CR1L: variants seen among roughly 807,000 people sequenced by gnomAD.
The protein encoded by CR1L is complement component receptor 1-like protein.
In CR1L, 59 loss-of-function variants were observed where a neutral mutation model predicts 62.3. That is an observed-to-expected ratio of 0.95 (90% CI 0.77 to 1.18). The LOEUF is 1.18. Ranked by LOEUF, CR1L falls within the 50% of genes most tolerant of loss-of-function variation. The pLI, the probability that CR1L is intolerant of heterozygous loss-of-function variation, is 0.00. For synonymous variants in CR1L, 279 were observed against 248.7 expected, an observed-to-expected ratio of 1.12 and a Z score of -1.15; for missense variants, 700 against 702.8, an observed-to-expected ratio of 1.00 and a Z score of 0.04.
intron 1 of CR1L, among the ~76,000 whole-genome samples, chr1:207,674,074 T>C (rs1364279501): frequency 6.6e-6 from 1 of 152,108 alleles, no homozygotes; most frequent in Non-Finnish European, 1.5e-5. Flanking sequence ...ACAATCGGAG[T>C]GATTTCCTTT....
chr1:207,652,693 C>A, intron 1 of CR1L: 1 of 934,324 alleles, frequency 1.1e-6, no homozygotes, highest in East Asian at 2.4e-5. Flanking sequence ...TATTTGTGAT[C>A]GGAATCACAC....
At chr1:207,679,083 A>G (rs1248085043) in intron 3 of CR1L, among the ~76,000 whole-genome samples, 1 of 120,150 alleles carries the variant, frequency 8.3e-6, no homozygotes, top group Non-Finnish European at 1.7e-5. Context: ...TGCAAGCTCC[A>G]CCTCCCGGGT....
At chr1:207,719,897 T>G (rs1654092783) in intron 11 of CR1L, among the ~76,000 whole-genome samples, 1 of 152,212 alleles carries the variant, frequency 6.6e-6, no homozygotes, top group Non-Finnish European at 1.5e-5. Flanking sequence ...AGCCAAGCAA[T>G]CTACTTATCT....
At chr1:207,662,864 C>T (rs1663446835) in intron 1 of CR1L, among the ~76,000 whole-genome samples, 1 of 152,178 alleles carries the variant, frequency 6.6e-6, no homozygotes, top group Non-Finnish European at 1.5e-5. Flanking sequence ...TTCCTTCTAA[C>T]AGTCAGGACC....
rs183975875 is a variant in CR1L, at chr1:207,655,542, A to G, written c.97+10212A>G. ...GGCTGGAGCACAGTGGCACAATCTC[A>G]GGTCACTGCAACCTCAGCCTCCTGA... On this transcript the variant is annotated intron_variant, in intron 1 of 11. Transcript: ENST00000508064. Among the ~76,000 whole-genome samples the G allele has an allele frequency of 7.0e-3, 1,067 of 152,260 alleles. 6 individuals carry two copies. The highest frequency in any genetic ancestry group is 0.012 in the Non-Finnish European group (792 of 68,010).
chr1:207,678,847 G>C (rs1379350070), intron 3 of CR1L, among the ~76,000 whole-genome samples: 2 of 152,114 alleles, frequency 1.3e-5, no homozygotes, highest in African/African-American at 4.8e-5. Flanking sequence ...ATCCTTCTTT[G>C]CTTCTTCCAG....
At chr1:207,664,839 AAGATAATGATGTTAAGGT>A (rs534248758) in intron 1 of CR1L, among the ~76,000 whole-genome samples, 219 of 152,370 alleles carry the variant, frequency 1.4e-3, no homozygotes, top group African/African-American at 5.0e-3. Flanking sequence ...AATAAATAGC[AAGATAATGATGTTAAGGT>A]AGATCTAAAT....
chr1:207,670,085 G>A (rs1471103843), intron 1 of CR1L, among the ~76,000 whole-genome samples: 1 of 151,010 alleles, frequency 6.6e-6, no homozygotes, highest in Non-Finnish European at 1.5e-5. Flanking sequence ...ATCTAACACA[G>A]GGCCTGTCCC....
chr1:207,705,800 T>C (rs1664257275), intron 9 of CR1L, among the ~76,000 whole-genome samples: 1 of 151,952 alleles, frequency 6.6e-6, no homozygotes, highest in Non-Finnish European at 1.5e-5. Flanking sequence ...GAGACCAATT[T>C]TAAAAAATCA....
At chr1:207,663,173 G>A (rs1663453008) in intron 1 of CR1L, among the ~76,000 whole-genome samples, 1 of 152,236 alleles carries the variant, frequency 6.6e-6, no homozygotes, top group African/African-American at 2.4e-5. Flanking sequence ...CTTCAAAGCT[G>A]TCAGACAGGG....
chr1:207,648,260 T>C (rs1186651508), intron 1 of CR1L, among the ~76,000 whole-genome samples: 1 of 135,094 alleles, frequency 7.4e-6, no homozygotes, highest in Non-Finnish European at 1.6e-5. Flanking sequence ...AAGAAGATAA[T>C]GAAAGCAATT....
chr1:207,676,057 A>G (rs1217853094), intron 1 of CR1L, among the ~76,000 whole-genome samples: 1 of 152,186 alleles, frequency 6.6e-6, no homozygotes, highest in Non-Finnish European at 1.5e-5. Context: ...GGTAAAATGC[A>G]TGAGTGTATC....
intron 1 of CR1L, chr1:207,657,362 T>C: frequency 2.6e-6 from 2 of 770,672 alleles, no homozygotes; most frequent in East Asian, 2.5e-5. Flanking sequence ...GTAAGTACTC[T>C]GGAAATATTT....
At chr1:207,675,519 A>G (rs1663676766) in intron 1 of CR1L, among the ~76,000 whole-genome samples, 1 of 152,210 alleles carries the variant, frequency 6.6e-6, no homozygotes, top group Non-Finnish European at 1.5e-5. Context: ...GAAACTGAAA[A>G]AGGGGAAAGG....
intron 9 of CR1L, among the ~76,000 whole-genome samples, chr1:207,703,889 A>C (rs1479309608): frequency 3.3e-5 from 5 of 152,108 alleles, no homozygotes; most frequent in Admixed American, 2.6e-4. Flanking sequence ...AGGAGGTGAA[A>C]GTTCCAGTGA....
At chr1:207,657,374 G>T in intron 1 of CR1L, 1 of 724,280 alleles carries the variant, frequency 1.4e-6, no homozygotes, top group Non-Finnish European at 2.5e-6. Context: ...GAAATATTTT[G>T]TAAATAGTTT....
Position 207,687,462 on chromosome 1 carries a change from T to G in CR1L, c.463+3505T>G, listed in dbSNP as rs116748263. Among the ~76,000 whole-genome samples the G allele has an allele frequency of 3.3e-3, 499 of 152,300 alleles. 7 individuals carry two copies. The highest frequency in any genetic ancestry group is 0.012 in the African/African-American group (482 of 41,576). The stretch of plus-strand genomic sequence containing the variant: ...GCACCCATGTAAGTGGCACTCAGAT[T>G]AAGATATAGAACATTATCAGCACCC... On this transcript the variant is annotated intron_variant, in intron 4 of 11. Coordinates refer to ENST00000508064, the MANE Select transcript of CR1L (RefSeq NM_175710.2).
At chr1:207,723,203 G>T (rs1443036996) in intron 11 of CR1L, among the ~76,000 whole-genome samples, 1 of 152,048 alleles carries the variant, frequency 6.6e-6, no homozygotes, top group Non-Finnish European at 1.5e-5. Flanking sequence ...AGGCTGAGGC[G>T]GGCAGATCAC....
chr1:207,695,122 G>A (rs996885692), intron 5 of CR1L, among the ~76,000 whole-genome samples: 1 of 151,942 alleles, frequency 6.6e-6, no homozygotes, highest in African/African-American at 2.4e-5. Context: ...GTTTTTCTAG[G>A]TTTGTCTGTT....
Sources: gnomAD v4.1 joint callset for allele counts (sites outside exome capture counted in the v4.1 genomes callset) on GRCh38, gnomAD v4.1.1 for gene constraint, MANE v1.5 for transcripts, NCBI Gene and HGNC (gene_info 2026-07-23, HGNC 2026-07-21) for gene names.